Variants in PCDHA12 observed in about 807,000 individuals in gnomAD.
The protein encoded by PCDHA12 is protocadherin alpha 12.
A neutral mutation model predicts 60.0 loss-of-function variants in PCDHA12; 44 were observed. That is an observed-to-expected ratio of 0.73 (90% CI 0.58 to 0.94). The LOEUF (loss-of-function observed/expected upper bound fraction) is 0.94. PCDHA12 is among the 40% of genes least tolerant of loss of function. The probability of loss-of-function intolerance (pLI) is 0.00; values close to 1 mark genes in which losing one functional copy is unlikely to be tolerated. For synonymous variants in PCDHA12, 569 were observed against 553.0 expected, an observed-to-expected ratio of 1.03 and a Z score of -0.40; for missense variants, 1,276 against 1,239.7, an observed-to-expected ratio of 1.03 and a Z score of -0.44.
At chr5:140,969,945 A>G (rs2096371634) in intron 1 of PCDHA12, among the ~76,000 whole-genome samples, 1 of 152,214 alleles carries the variant, frequency 6.6e-6, no homozygotes, top group South Asian at 2.1e-4. Flanking sequence ...TACTGAAGCT[A>G]AAGTTTGCTT....
At chr5:140,927,672 A>G in intron 1 of PCDHA12, 1 of 1,614,202 alleles carries the variant, frequency 6.2e-7, no homozygotes, top group Non-Finnish European at 8.5e-7. Flanking sequence ...CCTTGGATCC[A>G]GATGAAGGGT....
intron 1 of PCDHA12, among the ~76,000 whole-genome samples, chr5:140,898,789 C>T (rs1424905656): frequency 6.6e-6 from 1 of 152,162 alleles, no homozygotes; most frequent in Non-Finnish European, 1.5e-5. Context: ...GCAGTATGGC[C>T]ATTTTCACGA....
Position 140,926,391 on chromosome 5 carries a change from A to T in PCDHA12, c.2367+48552A>T, listed in dbSNP as rs76822698. On this transcript the variant is annotated intron_variant, in intron 1 of 3. Coordinates refer to ENST00000398631, the MANE Select transcript of PCDHA12 (RefSeq NM_018903.4). ...AGGAAGAGCCCAGCTGGGCTCAGCCACAGTTATCAGCAATCTGCGGGCAGA... is the reference window on the plus strand; with the variant it reads ...AGGAAGAGCCCAGCTGGGCTCAGCCTCAGTTATCAGCAATCTGCGGGCAGA... 1,228 of 152,462 alleles carry T rather than the reference A, an allele frequency of 8.1e-3. 5 individuals carry two copies. The highest frequency in any genetic ancestry group is 0.019 in the African/African-American group (792 of 41,554). The allele number at this position is 152,462 out of a possible 1,614,324, so 9.4% of individuals were successfully genotyped here.
chr5:140,895,881 G>A (rs1004872677), intron 1 of PCDHA12, among the ~76,000 whole-genome samples: 22 of 152,176 alleles, frequency 1.4e-4, no homozygotes, highest in East Asian at 1.9e-4. Flanking sequence ...GCGCGATCTC[G>A]GCTCACTGCA....
intron 1 of PCDHA12, among the ~76,000 whole-genome samples, chr5:140,909,044 T>C (rs538559353): frequency 6.6e-6 from 1 of 152,336 alleles, no homozygotes; most frequent in South Asian, 2.1e-4. Context: ...TTCCATACTC[T>C]GGCATGCAAA....
At chr5:140,937,736 C>T (rs778178538) in intron 1 of PCDHA12, among the ~76,000 whole-genome samples, 84 of 151,896 alleles carry the variant, frequency 5.5e-4, no homozygotes, top group Non-Finnish European at 1.1e-3. Context: ...CACGGTGAAA[C>T]CCCGTCTCTA....
At chr5:140,899,884 T>C (rs1467670856) in intron 1 of PCDHA12, among the ~76,000 whole-genome samples, 17 of 152,152 alleles carry the variant, frequency 1.1e-4, no homozygotes, top group African/African-American at 3.9e-4. Flanking sequence ...CAGAACTCAG[T>C]GCAGCCTTGA....
chr5:140,995,901 A>C (rs2097702550), intron 3 of PCDHA12, among the ~76,000 whole-genome samples: 3 of 152,212 alleles, frequency 2.0e-5, no homozygotes, highest in Non-Finnish European at 1.5e-5. Flanking sequence ...CAATGTATAA[A>C]AGAGGAGAGA....
intron 1 of PCDHA12, chr5:140,927,923 C>G: frequency 1.2e-6 from 2 of 1,614,232 alleles, no homozygotes; most frequent in Non-Finnish European, 1.7e-6. Context: ...GACTTCCTGA[C>G]TCTTTCGAAC....
chr5:140,951,413 C>T (rs1206149734), intron 1 of PCDHA12, among the ~76,000 whole-genome samples: 1 of 152,028 alleles, frequency 6.6e-6, no homozygotes, highest in African/African-American at 2.4e-5. Context: ...GTTTAATTGG[C>T]TCACAGTTCC....
At chr5:140,913,384 C>T (rs1018271300) in intron 1 of PCDHA12, among the ~76,000 whole-genome samples, 1 of 152,144 alleles carries the variant, frequency 6.6e-6, no homozygotes, top group Non-Finnish European at 1.5e-5. Flanking sequence ...AGTGGCTCAT[C>T]ATAGCCACTA....
At chr5:140,952,242 C>T (rs1469286013) in intron 1 of PCDHA12, among the ~76,000 whole-genome samples, 2 of 151,750 alleles carry the variant, frequency 1.3e-5, no homozygotes, top group African/African-American at 4.8e-5. Context: ...CTGCTTAGAA[C>T]TGCTGGTGGA....
At chr5:140,983,807 G>A (rs1158459034) in intron 3 of PCDHA12, among the ~76,000 whole-genome samples, 1 of 152,100 alleles carries the variant, frequency 6.6e-6, no homozygotes, top group African/African-American at 2.4e-5. Context: ...TGTGTAAAAG[G>A]TTTTTTCCCA....
intron 1 of PCDHA12, among the ~76,000 whole-genome samples, chr5:140,917,340 T>TG (rs2078149834): frequency 7.5e-6 from 1 of 132,986 alleles, no homozygotes; most frequent in Non-Finnish European, 1.6e-5. Context: ...AGGGGGGGGA[T>TG]GGTGTAGGCT....
chr5:140,966,488 C>G (rs1161799910), intron 1 of PCDHA12: 7 of 440,132 alleles, frequency 1.6e-5, no homozygotes, highest in East Asian at 1.1e-4. Context: ...TTTCCCTCCC[C>G]CTGGAGCTGT....
intron 1 of PCDHA12, among the ~76,000 whole-genome samples, chr5:140,924,252 G>C (rs1306870811): frequency 1.3e-5 from 2 of 152,214 alleles, no homozygotes; most frequent in African/African-American, 4.8e-5. Flanking sequence ...ATCCTGGTGA[G>C]ATCTAATGAG....
intron 3 of PCDHA12, among the ~76,000 whole-genome samples, chr5:141,007,395 C>CAAAAAAAAAA (rs35800918): frequency 8.4e-5 from 8 of 94,862 alleles, no homozygotes; most frequent in African/African-American, 1.7e-4. Flanking sequence ...TACTAAAATA[C>CAAAAAAAAAA]AAAAAAAAAA....
At chr5:140,930,778 T>G (rs891094443) in intron 1 of PCDHA12, among the ~76,000 whole-genome samples, 1 of 152,200 alleles carries the variant, frequency 6.6e-6, no homozygotes, top group African/African-American at 2.4e-5. Flanking sequence ...CTTAATATTT[T>G]CACAATATAA....
intron 1 of PCDHA12, chr5:140,969,253 C>G (rs200334724): frequency 7.4e-6 from 12 of 1,614,084 alleles, no homozygotes; most frequent in Non-Finnish European, 8.5e-7. Context: ...TGACTGACAG[C>G]AGGAATCTCA....
Sources: allele counts gnomAD v4.1 joint callset (sites outside exome capture counted in the v4.1 genomes callset), GRCh38; gene constraint gnomAD v4.1.1; transcripts MANE v1.5; gene names NCBI Gene and HGNC (gene_info 2026-07-23, HGNC 2026-07-21).